The following SLC24A2 variants were observed in gnomAD, a reference collection of about 807,000 sequenced individuals.
The protein encoded by SLC24A2 is sodium/potassium/calcium exchanger 2.
A neutral mutation model predicts 62.0 loss-of-function variants in SLC24A2; 36 were observed. The ratio of observed to expected loss-of-function variants is 0.58; its 90% CI spans 0.44 to 0.77. SLC24A2 has a LOEUF of 0.77. Among genes scored for constraint, SLC24A2 ranks in the 30% least tolerant of loss-of-function variants. The pLI, the probability that SLC24A2 is intolerant of heterozygous loss-of-function variation, is 0.00. For missense variants in SLC24A2, 846 were observed against 817.9 expected, an observed-to-expected ratio of 1.03 and a Z score of -0.42; for synonymous variants, 358 against 294.0, an observed-to-expected ratio of 1.22 and a Z score of -2.23.
At chr9:19,527,815 G>A (rs892844761) in intron 9 of SLC24A2, among the ~76,000 whole-genome samples, 3 of 152,176 alleles carry the variant, frequency 2.0e-5, no homozygotes, top group African/African-American at 7.2e-5. Flanking sequence ...GAAGTAGTTA[G>A]ACTTGCCTGC....
the SLC24A2 span, among the ~76,000 whole-genome samples, chr9:19,977,862 AG>A: frequency 6.6e-6 from 1 of 152,218 alleles, no homozygotes; most frequent in Non-Finnish European, 1.5e-5. Flanking sequence ...CAGAGCTCCC[AG>A]CCCCACAGAA....
chr9:20,212,674 A>T, the SLC24A2 span, among the ~76,000 whole-genome samples: 1 of 151,276 alleles, frequency 6.6e-6, no homozygotes, highest in African/African-American at 2.5e-5. Flanking sequence ...AAAGATAACA[A>T]TAAGTATGAG....
chr9:19,800,721 A>G, the SLC24A2 span, among the ~76,000 whole-genome samples: 3 of 152,330 alleles, frequency 2.0e-5, no homozygotes, highest in South Asian at 6.2e-4. Flanking sequence ...TTATTTAGCA[A>G]TTCCCCTATT....
chr9:19,726,229 C>G (rs1335845805), intron 2 of SLC24A2, among the ~76,000 whole-genome samples: 1 of 152,146 alleles, frequency 6.6e-6, no homozygotes, highest in Non-Finnish European at 1.5e-5. Flanking sequence ...ATTATACTTT[C>G]TCTCAATAGG....
At chr9:19,567,557 AAAAAAAAG>A (rs1179732886) in intron 7 of SLC24A2, among the ~76,000 whole-genome samples, 3 of 125,558 alleles carry the variant, frequency 2.4e-5, no homozygotes, top group East Asian at 2.6e-4. Flanking sequence ...AAAAAAAAAA[AAAAAAAAG>A]GTAAGGAATA....
chr9:19,765,317 G>A (rs1325410172), intron 2 of SLC24A2, among the ~76,000 whole-genome samples: 8 of 152,152 alleles, frequency 5.3e-5, no homozygotes, highest in Admixed American at 5.2e-4. Flanking sequence ...ATATTGTTAT[G>A]TGTGAATCTG....
At chr9:19,822,158 C>T in the SLC24A2 span, among the ~76,000 whole-genome samples, 47 of 152,006 alleles carry the variant, frequency 3.1e-4, no homozygotes, top group African/African-American at 1.0e-3. Context: ...AGTGATAATG[C>T]CTATTCTTAG....
chr9:19,788,573 C>G, intron 1 of SLC24A2: 3 of 985,444 alleles, frequency 3.0e-6, no homozygotes, highest in Non-Finnish European at 3.6e-6. Flanking sequence ...AGGCGCTTGG[C>G]CCGCATCCCC....
At chr9:20,294,783 G>A in the SLC24A2 span, among the ~76,000 whole-genome samples, 3 of 152,108 alleles carry the variant, frequency 2.0e-5, no homozygotes, top group East Asian at 1.9e-4. Context: ...AACCTCACAA[G>A]TGCACGTTGG....
At chr9:19,707,412 C>T (rs1359170786) in intron 2 of SLC24A2, among the ~76,000 whole-genome samples, 1 of 152,130 alleles carries the variant, frequency 6.6e-6, no homozygotes, top group Non-Finnish European at 1.5e-5. Flanking sequence ...TTTATTAGGC[C>T]AGCATCATCC....
At chr9:19,703,071 G>A (rs998519937) in intron 2 of SLC24A2, among the ~76,000 whole-genome samples, 1 of 152,144 alleles carries the variant, frequency 6.6e-6, no homozygotes, top group Non-Finnish European at 1.5e-5. Context: ...ATTCTTTTGT[G>A]TTTGTGTGTG....
chr9:20,020,041 G>A, the SLC24A2 span, among the ~76,000 whole-genome samples: 1 of 152,186 alleles, frequency 6.6e-6, no homozygotes, highest in African/African-American at 2.4e-5. Flanking sequence ...ACACCAGTTA[G>A]AATGGCAATC....
the SLC24A2 span, among the ~76,000 whole-genome samples, chr9:20,070,051 T>C: frequency 1.3e-5 from 2 of 152,230 alleles, no homozygotes. Context: ...TTATTTTTAT[T>C]ATTTATTATT....
the SLC24A2 span, among the ~76,000 whole-genome samples, chr9:19,878,323 G>A: frequency 1.1e-4 from 16 of 152,178 alleles, no homozygotes; most frequent in Admixed American, 7.9e-4. Context: ...TTCCTAGTAG[G>A]AGTAGGAGTG....
intron 2 of SLC24A2, among the ~76,000 whole-genome samples, chr9:19,691,362 G>A (rs1820041845): frequency 6.6e-6 from 1 of 152,162 alleles, no homozygotes. Flanking sequence ...TCTCCCATGG[G>A]CAGAAAAGAG....
At chr9:19,542,355 T>G (rs1307914459) in intron 8 of SLC24A2, among the ~76,000 whole-genome samples, 1 of 152,198 alleles carries the variant, frequency 6.6e-6, no homozygotes, top group East Asian at 1.9e-4. Context: ...ACAATAGAGT[T>G]TTCTAAATAT....
intron 5 of SLC24A2, among the ~76,000 whole-genome samples, chr9:19,579,628 GATA>G (rs952210652): frequency 2.6e-5 from 4 of 152,098 alleles, no homozygotes; most frequent in African/African-American, 9.7e-5. Context: ...TTATCTGTAA[GATA>G]ATAATAAAGC....
chr9:20,185,771 T>G, the SLC24A2 span, among the ~76,000 whole-genome samples: 2 of 151,780 alleles, frequency 1.3e-5, no homozygotes, highest in Admixed American at 6.6e-5. Flanking sequence ...GCCCCCAAGG[T>G]GACTCAAGCA....
chr9:20,224,073 T>C, the SLC24A2 span, among the ~76,000 whole-genome samples: 1 of 151,948 alleles, frequency 6.6e-6, no homozygotes, highest in Non-Finnish European at 1.5e-5. Flanking sequence ...ATGAGGAAAC[T>C]GCCCTCATGA....
Sources: gnomAD v4.1 joint callset for allele counts (sites outside exome capture counted in the v4.1 genomes callset) on GRCh38, gnomAD v4.1.1 for gene constraint, MANE v1.5 for transcripts, NCBI Gene and HGNC (gene_info 2026-07-23, HGNC 2026-07-21) for gene names.